The following PEX5L variants were observed in gnomAD, a reference collection of about 807,000 sequenced individuals.
PEX5L encodes the protein PEX5-related protein.
PEX5L carries 30 observed loss-of-function variants against 84.0 expected under a neutral mutation model. That is an observed-to-expected ratio of 0.36 (90% CI 0.27 to 0.48). PEX5L has a LOEUF of 0.48. Among genes scored for constraint, PEX5L ranks in the 20% least tolerant of loss-of-function variants. The probability of loss-of-function intolerance (pLI) is 0.99; values close to 1 mark genes in which losing one functional copy is unlikely to be tolerated. For synonymous variants in PEX5L, 270 were observed against 283.1 expected (o/e 0.95, Z 0.46); for missense variants, 533 against 754.6 (o/e 0.71, Z 3.44).
At chr3:179,803,981 T>C (rs1177377578) in intron 14 of PEX5L, 1 of 152,164 alleles carries the variant, frequency 6.6e-6, no homozygotes, top group Non-Finnish European at 1.5e-5. Flanking sequence ...TGCCCCCACT[T>C]CACAGGATGG....
chr3:179,885,355 G>A (rs945800131), intron 4 of PEX5L, among the ~76,000 whole-genome samples: 2 of 152,094 alleles, frequency 1.3e-5, no homozygotes, highest in Non-Finnish European at 2.9e-5. Flanking sequence ...TTATAAAAAG[G>A]GGAAATTTGG....
intron 8 of PEX5L, among the ~76,000 whole-genome samples, chr3:179,836,557 T>C (rs1734990724): frequency 6.6e-6 from 1 of 152,132 alleles, no homozygotes; most frequent in African/African-American, 2.4e-5. Context: ...CAGGCCTCTT[T>C]TGGGTCCCTG....
At chr3:179,952,568 A>T (rs1779382825) in intron 2 of PEX5L, among the ~76,000 whole-genome samples, 1 of 152,164 alleles carries the variant, frequency 6.6e-6, no homozygotes, top group Admixed American at 6.6e-5. Flanking sequence ...CTCTTTAGGG[A>T]GAACCATAAA....
chr3:180,008,534 A>C (rs899527498), intron 1 of PEX5L, among the ~76,000 whole-genome samples: 1 of 152,128 alleles, frequency 6.6e-6, no homozygotes, highest in Non-Finnish European at 1.5e-5. Flanking sequence ...GTACCAACTT[A>C]CTGTATTAGT....
At chr3:179,879,679 A>T (rs1371301659) in intron 5 of PEX5L, among the ~76,000 whole-genome samples, 1 of 152,130 alleles carries the variant, frequency 6.6e-6, no homozygotes, top group Non-Finnish European at 1.5e-5. Context: ...CTAACCTGGC[A>T]CCCAGCACCT....
At chr3:180,028,308 A>G (rs574909495) in intron 1 of PEX5L, among the ~76,000 whole-genome samples, 1 of 152,320 alleles carries the variant, frequency 6.6e-6, no homozygotes, top group South Asian at 2.1e-4. Flanking sequence ...CCTTTAGAAC[A>G]AGAAATGTTC....
intron 9 of PEX5L, among the ~76,000 whole-genome samples, chr3:179,817,605 A>G (rs1006903776): frequency 2.0e-4 from 30 of 152,212 alleles, no homozygotes; most frequent in Non-Finnish European, 7.3e-5. Context: ...AATTTGTCCA[A>G]TTTAAACTCT....
At position 180,036,630 on chromosome 3, in the gene PEX5L, G is replaced by A. The variant is rs774939376; in HGVS notation, c.-31C>T. 1.7e-5 allele frequency: 27 copies of A among 1,613,590 alleles called. No homozygotes were observed. Among genetic ancestry groups the A allele is most frequent in the Non-Finnish European group, 2.1e-5 (25 of 1,179,490 alleles). ...TTCGGTTTCTTCAGGGCTCCCTGAG[G>A]CCACCGGATGCTTTTCCCCCGTGCT... is the stretch of plus-strand genomic sequence containing the variant. On this transcript the variant is annotated 5_prime_UTR_variant, in exon 1 of 15. Coordinates refer to ENST00000467460, the MANE Select transcript of PEX5L (RefSeq NM_016559.3).
intron 2 of PEX5L, among the ~76,000 whole-genome samples, chr3:179,946,702 G>A (rs1374969394): frequency 1.3e-5 from 2 of 152,220 alleles, no homozygotes; most frequent in Non-Finnish European, 2.9e-5. Context: ...GAAGGCATCA[G>A]TATTTGGAAA....
chr3:179,841,526 T>C (rs927926173), intron 8 of PEX5L, among the ~76,000 whole-genome samples: 1 of 152,262 alleles, frequency 6.6e-6, no homozygotes, highest in Non-Finnish European at 1.5e-5. Context: ...TACCAGATTC[T>C]GAGCAAGTTG....
chr3:179,867,651 T>G (rs1748807651), intron 7 of PEX5L, among the ~76,000 whole-genome samples: 1 of 152,192 alleles, frequency 6.6e-6, no homozygotes, highest in African/African-American at 2.4e-5. Context: ...AGCTTTAGTC[T>G]AACTCCTCTT....
At chr3:179,820,126 TG>T in intron 8 of PEX5L, 150 bp from the exon 9 acceptor site, 1 of 1,029,010 alleles carries the variant, frequency 9.7e-7, no homozygotes, top group Non-Finnish European at 1.4e-6. Flanking sequence ...GAAGAGCTTC[TG>T]GAGGGTACTC....
Position 179,897,231 on chromosome 3 carries a change from A to C in PEX5L, c.198+911T>G, listed in dbSNP as rs143928734. ...AATGGACATTTTTCGAATTCTAGGC[A>C]TGTTCATATAATCGGAACTGAATCA... is the stretch of plus-strand genomic sequence containing the variant. On this transcript the variant is annotated intron_variant, in intron 3 of 14. Coordinates refer to ENST00000467460, the MANE Select transcript of PEX5L (RefSeq NM_016559.3). 4.0e-3 allele frequency among the ~76,000 whole-genome samples: 612 copies of C among 152,282 alleles called. 3 individuals carry two copies. The highest frequency in any genetic ancestry group is 7.1e-3 in the Non-Finnish European group (484 of 67,998).
intron 1 of PEX5L, among the ~76,000 whole-genome samples, chr3:179,999,083 G>A (rs1788153299): frequency 6.6e-6 from 1 of 152,190 alleles, no homozygotes; most frequent in Admixed American, 6.5e-5. Flanking sequence ...AAGGAGAAAT[G>A]GCCAGATGCT....
intron 3 of PEX5L, among the ~76,000 whole-genome samples, chr3:179,890,967 ATT>A (rs34215597): frequency 5.6e-4 from 80 of 143,440 alleles, no homozygotes; most frequent in East Asian, 1.8e-3. Context: ...AGGTAAAAAA[ATT>A]TTTTTTTTTT....
At chr3:180,030,952 C>T (rs1185836372) in intron 1 of PEX5L, among the ~76,000 whole-genome samples, 1 of 149,850 alleles carries the variant, frequency 6.7e-6, no homozygotes, top group Non-Finnish European at 1.5e-5. Flanking sequence ...AATGGCAAAA[C>T]AGCCTCTTCC....
At chr3:179,855,175 G>A (rs1490274423) in intron 8 of PEX5L, among the ~76,000 whole-genome samples, 3 of 152,014 alleles carry the variant, frequency 2.0e-5, no homozygotes, top group Non-Finnish European at 4.4e-5. Flanking sequence ...AGAGTGGAGA[G>A]GTGGCCAGGT....
intron 5 of PEX5L, among the ~76,000 whole-genome samples, 159 bp downstream of exon 5, chr3:179,879,770 A>C (rs1431494232): frequency 6.6e-6 from 1 of 152,224 alleles, no homozygotes; most frequent in Non-Finnish European, 1.5e-5. Flanking sequence ...ATTGCTGTAC[A>C]GTTCAAGCTC....
At chr3:179,838,450 ACAGT>A (rs1735827125) in intron 8 of PEX5L, among the ~76,000 whole-genome samples, 1 of 152,208 alleles carries the variant, frequency 6.6e-6, no homozygotes, top group Non-Finnish European at 1.5e-5. Context: ...ACAAATATCA[ACAGT>A]CACTTTTTTA....
Sources: gnomAD v4.1 joint callset for allele counts (sites outside exome capture counted in the v4.1 genomes callset) on GRCh38, gnomAD v4.1.1 for gene constraint, MANE v1.5 for transcripts, NCBI Gene and HGNC (gene_info 2026-07-23, HGNC 2026-07-21) for gene names.